The following CCAR1 variants were observed in gnomAD, a reference collection of about 807,000 sequenced individuals.
CCAR1 encodes cell division cycle and apoptosis regulator 1, also known as cell division cycle and apoptosis regulator protein 1.
In CCAR1, 78 loss-of-function variants were observed where a neutral mutation model predicts 163.8. The observed-to-expected ratio is 0.48, with a 90% CI of 0.40 to 0.57. The LOEUF is 0.57. Among genes scored for constraint, CCAR1 ranks in the 20% least tolerant of loss-of-function variants. The pLI is 0.00. For missense variants in CCAR1, 1,019 were observed against 1,365.2 expected (o/e 0.75, Z 4.00); for synonymous variants, 443 against 460.7 (o/e 0.96, Z 0.49).
At chr10:68,749,947 A>G (rs1351177263) in intron 10 of CCAR1, among the ~76,000 whole-genome samples, 1 of 152,226 alleles carries the variant, frequency 6.6e-6, no homozygotes, top group Non-Finnish European at 1.5e-5. Context: ...CCCTAAAGTT[A>G]GAATCAGTTA....
intron 16 of CCAR1, among the ~76,000 whole-genome samples, chr10:68,765,033 T>C (rs1288637958): frequency 1.3e-5 from 2 of 152,258 alleles, no homozygotes; most frequent in African/African-American, 4.8e-5. Context: ...CTTTTCTAAA[T>C]TCATAGAGTT....
chr10:68,754,683 T>C, intron 11 of CCAR1, 31 bp from the exon 12 acceptor site: 1 of 1,152,028 alleles, frequency 8.7e-7, no homozygotes, highest in Non-Finnish European at 1.3e-6. Context: ...CTTTAGACTT[T>C]TGACAGGATT....
At chr10:68,730,119 G>T (rs2056015378) in intron 2 of CCAR1, among the ~76,000 whole-genome samples, 1 of 151,424 alleles carries the variant, frequency 6.6e-6, no homozygotes, top group African/African-American at 2.4e-5. Context: ...ATGGGGTTTT[G>T]CCATGTTGGT....
intron 2 of CCAR1, among the ~76,000 whole-genome samples, chr10:68,732,642 C>G (rs1444577161): frequency 6.6e-6 from 1 of 152,204 alleles, no homozygotes; most frequent in East Asian, 1.9e-4. Flanking sequence ...AGCCACCATG[C>G]CTGGCCAGAA....
At chr10:68,766,745 C>T (rs1282233865) in intron 17 of CCAR1, among the ~76,000 whole-genome samples, 2 of 151,644 alleles carry the variant, frequency 1.3e-5, no homozygotes, top group African/African-American at 4.8e-5. Context: ...ACGCTGGTCT[C>T]GAACTCCAAC....
chr10:68,757,782 A>G (rs970797315), intron 15 of CCAR1, among the ~76,000 whole-genome samples: 3 of 151,768 alleles, frequency 2.0e-5, no homozygotes, highest in African/African-American at 7.3e-5. Context: ...TATCTGTTGA[A>G]TGCCTATAAT....
intron 6 of CCAR1, among the ~76,000 whole-genome samples, chr10:68,746,555 C>A (rs898277805): frequency 6.6e-6 from 1 of 152,116 alleles, no homozygotes; most frequent in Non-Finnish European, 1.5e-5. Flanking sequence ...CTGCTGCCAT[C>A]ACCCAACTAC....
intron 18 of CCAR1, among the ~76,000 whole-genome samples, chr10:68,772,507 A>AT (rs2056615981): frequency 6.6e-6 from 1 of 151,854 alleles, no homozygotes; most frequent in African/African-American, 2.4e-5. Context: ...AAAAAAAGTA[A>AT]TTTGCAATGT....
chr10:68,726,113 T>TA lies in CCAR1; in HGVS notation c.73+3556dup, dbSNP rs747643778. ...TGGGTGACAGAGTGAGACCCTGTCC[T>TA]AAAAAAAAAAAAAAAAAAAAGAAAT... On this transcript the variant is annotated intron_variant, in intron 2 of 24. Transcript: ENST00000265872. 9.0e-3 allele frequency among the ~76,000 whole-genome samples: 840 copies of TA among 93,602 alleles called. 5 individuals are homozygous for TA. The highest frequency in any genetic ancestry group is 0.015 in the African/African-American group (379 of 25,288). The allele number at this position is 93,602 out of a possible 152,430, so 61.4% of individuals were successfully genotyped here. A position where few individuals can be genotyped will look rare whatever the true frequency, so the allele number is the denominator to read the frequency against.
chr10:68,760,078 C>A (rs1236137843), intron 15 of CCAR1, among the ~76,000 whole-genome samples: 2 of 152,112 alleles, frequency 1.3e-5, no homozygotes, highest in Non-Finnish European at 2.9e-5. Flanking sequence ...GCGATCCTTC[C>A]ACCTTGGACT....
chr10:68,753,884 G>A lies in CCAR1; in HGVS notation c.1151G>A (p.Arg384His), dbSNP rs1320054408. Residue 384 changes from arginine to histidine, a missense_variant, in exon 11 of 25, where the codon CGT becomes CAT. This residue lies in a region of CCAR1 where 644 missense variants were observed against 904.4 expected (regional missense o/e 0.71). Coordinates refer to ENST00000265872, the MANE Select transcript of CCAR1 (RefSeq NM_018237.4). ...TGTGACATGATGGAACTAAGGCGCC[G>A]TTATCAAAATTTGTATATACCTAGT... The part of the protein sequence containing the change: ...PSCDMMELRR[R>H]YQNLYIPSDF... 8.7e-6 allele frequency: 14 copies of A among 1,613,880 alleles called. No homozygotes were observed. Among genetic ancestry groups the A allele is most frequent in the South Asian group, 1.1e-5 (1 of 91,070 alleles).
At chr10:68,741,826 A>G (rs780988567) in intron 5 of CCAR1, among the ~76,000 whole-genome samples, 7 of 152,174 alleles carry the variant, frequency 4.6e-5, no homozygotes, top group Non-Finnish European at 8.8e-5. Flanking sequence ...TTTGTACTGT[A>G]TTTTTAGTCT....
At chr10:68,787,904 T>C in intron 21 of CCAR1, 23 bp from the exon 22 acceptor site, 4 of 1,573,870 alleles carry the variant, frequency 2.5e-6, no homozygotes, top group Non-Finnish European at 3.4e-6. Context: ...TCTCTGTATT[T>C]TGTTTACTTG....
rs1369692581 is a variant in CCAR1 at position 68,742,651 on chromosome 10, GC to G, written c.518+85del. 1.6e-5 allele frequency: 18 copies of G among 1,121,802 alleles called. No individual in the cohort carries two copies. In the African/African-American group the frequency reaches 1.7e-4, roughly 11 times the overall value. The allele number at this position is 1,121,802 out of a possible 1,614,324, so 69.5% of individuals were successfully genotyped here. A position where few individuals can be genotyped will look rare whatever the true frequency, so the allele number is the denominator to read the frequency against. On this transcript the variant is annotated intron_variant, in intron 6 of 24. Coordinates refer to ENST00000265872, the MANE Select transcript of CCAR1 (RefSeq NM_018237.4). ...TTAGTTGTGGCAGAAATTGTATGTAGCCCAGGCTGGACACAGTTGTGCAATC... is the reference window on the plus strand; with the variant it reads ...TTAGTTGTGGCAGAAATTGTATGTAGCCAGGCTGGACACAGTTGTGCAATC...
chr10:68,745,768 C>A (rs2056245301), intron 6 of CCAR1, among the ~76,000 whole-genome samples: 1 of 151,338 alleles, frequency 6.6e-6, no homozygotes, highest in Non-Finnish European at 1.5e-5. Context: ...CGCCCGGCAA[C>A]TATTTTTTTT....
intron 19 of CCAR1, among the ~76,000 whole-genome samples, chr10:68,780,732 T>C (rs2056725749): frequency 6.6e-6 from 1 of 152,204 alleles, no homozygotes; most frequent in Admixed American, 6.5e-5. Flanking sequence ...TTTTTCATTA[T>C]TACTATGTCT....
At chr10:68,759,712 C>A (rs976116225) in intron 15 of CCAR1, among the ~76,000 whole-genome samples, 6 of 152,016 alleles carry the variant, frequency 3.9e-5, no homozygotes, top group African/African-American at 1.4e-4. Context: ...TGTGCCACTC[C>A]AGCCTGGGTG....
chr10:68,774,970 AC>A (rs1454790893), intron 19 of CCAR1: 5 of 387,500 alleles, frequency 1.3e-5, no homozygotes, highest in Non-Finnish European at 2.4e-5. Flanking sequence ...TCTGGCAATT[AC>A]TTTTATTTAC....
At chr10:68,765,646 C>T (rs959439095) in intron 16 of CCAR1, among the ~76,000 whole-genome samples, 2 of 152,072 alleles carry the variant, frequency 1.3e-5, no homozygotes, top group Non-Finnish European at 2.9e-5. Flanking sequence ...CCCCTCTTTA[C>T]AAGGCAGTTT....
Sources: gnomAD v4.1 joint callset for allele counts (sites outside exome capture counted in the v4.1 genomes callset) on GRCh38, gnomAD v4.1.1 for gene constraint, gnomAD v4.1.1 regional missense constraint, MANE v1.5 for transcripts, NCBI Gene and HGNC (gene_info 2026-07-23, HGNC 2026-07-21) for gene names.